The following UMAD1 variants were observed in gnomAD, a reference collection of about 807,000 sequenced individuals.
The protein encoded by UMAD1 is UBAP1-MVB12-associated (UMA) domain containing 1.
A neutral mutation model predicts 6.1 loss-of-function variants in UMAD1; 8 were observed. The observed-to-expected ratio is 1.30, with a 90% CI of 0.76 to 2.35. The LOEUF is 2.35. UMAD1 is among the 30% of genes most tolerant of loss of function. The pLI is 0.00. For synonymous variants in UMAD1, 56 were observed against 31.4 expected (o/e 1.78, Z -2.61); for missense variants, 130 against 78.4 (o/e 1.66, Z -2.49).
rs369790432 is a variant in UMAD1 at position 7,707,313 on chromosome 7, A to G, written c.82+33860A>G. On this transcript the variant is annotated intron_variant, in intron 2 of 3. Coordinates refer to ENST00000682710, the MANE Select transcript of UMAD1 (RefSeq NM_001302348.2). ...TTACTGTAACTCAGAAGACTTCAGA[A>G]AATATCCTCTAGGTATCAAATTAAA... is the stretch of plus-strand genomic sequence containing the variant. Among the ~76,000 whole-genome samples, 11 of 152,304 alleles carry G rather than the reference A, an allele frequency of 7.2e-5. No individual in the cohort carries two copies. In the East Asian group the frequency reaches 1.9e-3, roughly 27 times the overall value.
chr7:7,736,660 A>G (rs1022441157), intron 2 of UMAD1: 6 of 151,408 alleles, frequency 4.0e-5, no homozygotes, highest in African/African-American at 1.5e-4. Flanking sequence ...CCAAAGTCTG[A>G]TTCTTTTCTT....
chr7:7,852,958 C>G (rs950588428), intron 3 of UMAD1, among the ~76,000 whole-genome samples: 1 of 152,152 alleles, frequency 6.6e-6, no homozygotes, highest in African/African-American at 2.4e-5. Flanking sequence ...GCAGGACCCT[C>G]TCTGGAATGA....
chr7:7,662,051 G>T (rs953876262), intron 1 of UMAD1, among the ~76,000 whole-genome samples: 1 of 152,182 alleles, frequency 6.6e-6, no homozygotes, highest in Non-Finnish European at 1.5e-5. Context: ...CAGCGGCTTT[G>T]CTGAGCTGTG....
intron 2 of UMAD1, among the ~76,000 whole-genome samples, chr7:7,677,677 T>G (rs1487878646): frequency 1.1e-4 from 15 of 138,096 alleles, no homozygotes; most frequent in Non-Finnish European, 2.3e-4. Context: ...TTTTTTTTTT[T>G]TTTTTTTTTT....
chr7:7,806,611 A>G (rs1213091831), intron 3 of UMAD1, among the ~76,000 whole-genome samples: 1 of 152,150 alleles, frequency 6.6e-6, no homozygotes, highest in Non-Finnish European at 1.5e-5. Flanking sequence ...AGACAGTTGT[A>G]TCTTTTCTCA....
At chr7:7,816,282 C>G (rs1783124948) in intron 3 of UMAD1, among the ~76,000 whole-genome samples, 1 of 152,212 alleles carries the variant, frequency 6.6e-6, no homozygotes. Flanking sequence ...TTTCCTGTCT[C>G]CACTATATAA....
intron 3 of UMAD1, among the ~76,000 whole-genome samples, chr7:7,856,181 G>A (rs1784013086): frequency 6.6e-6 from 1 of 152,102 alleles, no homozygotes; most frequent in African/African-American, 2.4e-5. Flanking sequence ...ACATTATCAG[G>A]TATCTTAAGC....
rs1006888643 is a variant in UMAD1, at chr7:7,771,016, A to T, written c.83-30654A>T. On this transcript the variant is annotated intron_variant, in intron 2 of 3. Transcript: ENST00000682710. ...TGAGAAGAGAGCAACCCTAGAGAGT[A>T]ACACAGGAGGTGGAGGAAGAGGACC... 5.3e-5 allele frequency among the ~76,000 whole-genome samples: 8 copies of T among 152,182 alleles called. No individual in the cohort carries two copies. The South Asian group carries it at 1.7e-3, about 31-fold the overall frequency.
chr7:7,713,794 C>G lies in UMAD1; in HGVS notation c.82+40341C>G, dbSNP rs28912686. On this transcript the variant is annotated intron_variant, in intron 2 of 3. Transcript: ENST00000682710. Reference sequence around the variant, plus strand: ...AATTTTAATTTGTATTATTTCCATTCGTTTGTCATTTTGCACATTTTTCTC... The same window carrying G: ...AATTTTAATTTGTATTATTTCCATTGGTTTGTCATTTTGCACATTTTTCTC... Among the ~76,000 whole-genome samples, 6 of 152,100 alleles carry G rather than the reference C, an allele frequency of 3.9e-5. No homozygotes were observed. The South Asian group carries it at 8.3e-4, about 21-fold the overall frequency.
intron 2 of UMAD1, among the ~76,000 whole-genome samples, chr7:7,702,524 C>T (rs1780485862): frequency 1.3e-5 from 2 of 152,092 alleles, no homozygotes; most frequent in African/African-American, 4.8e-5. Context: ...TTCTCTAATA[C>T]TTGAAATAGC....
At chr7:7,661,059 A>C (rs1197971816) in intron 1 of UMAD1, among the ~76,000 whole-genome samples, 1 of 151,336 alleles carries the variant, frequency 6.6e-6, no homozygotes, top group Non-Finnish European at 1.5e-5. Context: ...TTATTTCATT[A>C]AGTTGATCTT....
intron 3 of UMAD1, among the ~76,000 whole-genome samples, chr7:7,808,729 C>T (rs1782967867): frequency 6.6e-6 from 1 of 151,820 alleles, no homozygotes; most frequent in Non-Finnish European, 1.5e-5. Flanking sequence ...TTTTTATTTA[C>T]TTAGTGGCTT....
At chr7:7,643,950 G>C (rs2115543479) in intron 1 of UMAD1, among the ~76,000 whole-genome samples, 1 of 152,234 alleles carries the variant, frequency 6.6e-6, no homozygotes, top group Middle Eastern at 3.4e-3. Context: ...AAGGACTGAA[G>C]TTGCTACTGA....
At chr7:7,853,384 T>C (rs1312620515) in intron 3 of UMAD1, among the ~76,000 whole-genome samples, 1 of 152,186 alleles carries the variant, frequency 6.6e-6, no homozygotes, top group East Asian at 1.9e-4. Flanking sequence ...ATTGCATTGA[T>C]TTTGTAGCGC....
At chr7:7,740,160 T>C (rs547494351) in intron 2 of UMAD1, among the ~76,000 whole-genome samples, 57 of 152,352 alleles carry the variant, frequency 3.7e-4, no homozygotes, top group Admixed American at 9.1e-4. Context: ...CTGGCTTCTC[T>C]TTCTTTGTTT....
chr7:7,788,579 A>G (rs1782501968), intron 2 of UMAD1, among the ~76,000 whole-genome samples: 1 of 152,174 alleles, frequency 6.6e-6, no homozygotes, highest in African/African-American at 2.4e-5. Context: ...AGGATCTACC[A>G]GTAGCAGGCT....
At position 7,804,530 on chromosome 7, in the gene UMAD1, G is replaced by A. The variant is rs547309000; in HGVS notation, c.156+2787G>A. On this transcript the variant is annotated intron_variant, in intron 3 of 3. Transcript: ENST00000682710. The stretch of plus-strand genomic sequence containing the variant: ...TCTACTAAAATACAAAAAATTAGCC[G>A]GGCTTGGCGCCGTGCGCCTGTAATC... Among the ~76,000 whole-genome samples the A allele has an allele frequency of 5.3e-5, 8 of 152,300 alleles. No individual in the cohort carries two copies. In the South Asian group the frequency reaches 6.2e-4, roughly 12 times the overall value.
chr7:7,837,242 T>G (rs946699740), intron 3 of UMAD1, among the ~76,000 whole-genome samples: 2 of 151,972 alleles, frequency 1.3e-5, no homozygotes, highest in Admixed American at 6.6e-5. Context: ...GCAAAATAAT[T>G]TTTTTCAGAT....
intron 2 of UMAD1, among the ~76,000 whole-genome samples, chr7:7,747,390 C>T (rs1035367882): frequency 6.6e-6 from 1 of 152,012 alleles, no homozygotes; most frequent in Non-Finnish European, 1.5e-5. Context: ...TTCAGAAATC[C>T]CTAGAACAAG....
Sources: allele counts gnomAD v4.1 joint callset (sites outside exome capture counted in the v4.1 genomes callset), GRCh38; gene constraint gnomAD v4.1.1; transcripts MANE v1.5; gene names NCBI Gene and HGNC (gene_info 2026-07-23, HGNC 2026-07-21).